The following ANKIB1 variants were observed in gnomAD, a reference collection of about 807,000 sequenced individuals.
ANKIB1 encodes ankyrin repeat and IBR domain-containing protein 1.
ANKIB1 carries 43 observed loss-of-function variants against 122.1 expected under a neutral mutation model. That is an observed-to-expected ratio of 0.35 (90% CI 0.28 to 0.45). The LOEUF is 0.45. Ranked by LOEUF, ANKIB1 falls within the 20% of genes least tolerant of loss-of-function variation. ANKIB1 has a pLI of 1.00. For synonymous variants in ANKIB1, 390 were observed against 442.0 expected, an observed-to-expected ratio of 0.88 and a Z score of 1.48; for missense variants, 992 against 1,329.5, an observed-to-expected ratio of 0.75 and a Z score of 3.95.
At chr7:92,298,765 A>G (rs1011562157) in intron 2 of ANKIB1, among the ~76,000 whole-genome samples, 2 of 118,518 alleles carry the variant, frequency 1.7e-5, no homozygotes, top group African/African-American at 7.1e-5. Flanking sequence ...AGGCACTTGC[A>G]GTTAAAAAAA....
chr7:92,274,869 G>T (rs1382149528), intron 1 of ANKIB1, among the ~76,000 whole-genome samples: 1 of 152,176 alleles, frequency 6.6e-6, no homozygotes. Context: ...GAAGACTGCA[G>T]TGAGCTGTGA....
chr7:92,314,778 A>G (rs996024309), intron 3 of ANKIB1, among the ~76,000 whole-genome samples: 3 of 152,218 alleles, frequency 2.0e-5, no homozygotes, highest in Non-Finnish European at 2.9e-5. Flanking sequence ...TCAGACCAAT[A>G]AAATCTAAAT....
intron 1 of ANKIB1, among the ~76,000 whole-genome samples, chr7:92,249,141 G>A (rs1801266895): frequency 6.6e-6 from 1 of 152,100 alleles, no homozygotes; most frequent in South Asian, 2.1e-4. Flanking sequence ...GCCTGCCTTG[G>A]CCTCCCAAAA....
In ANKIB1 at chr7:92,387,789, G is replaced by A; in HGVS notation, c.1753-9G>A. On this transcript the variant is annotated splice_polypyrimidine_tract_variant and intron_variant, in intron 12 of 19. Transcript: ENST00000265742. ...TTATAAAAGTCATTTGTGGACTTTT[G>A]TTTTCTAGGCTGAGAAAAAACACAA... is the stretch of plus-strand genomic sequence containing the variant. The A allele has an allele frequency of 6.3e-7, 1 of 1,598,190 alleles. No homozygotes were observed. The highest frequency in any genetic ancestry group is 8.5e-7 in the Non-Finnish European group (1 of 1,175,442).
At chr7:92,362,031 G>C (rs1014469648) in intron 9 of ANKIB1, among the ~76,000 whole-genome samples, 154 bp from the exon 10 acceptor site, 1 of 151,680 alleles carries the variant, frequency 6.6e-6, no homozygotes, top group Non-Finnish European at 1.5e-5. Context: ...GGCTGGTCTC[G>C]AACTCCTGAC....
At chr7:92,250,826 T>G (rs541506239) in intron 1 of ANKIB1, among the ~76,000 whole-genome samples, 2 of 152,348 alleles carry the variant, frequency 1.3e-5, no homozygotes, top group South Asian at 4.1e-4. Context: ...AAAACATGGT[T>G]TTTCACTGTC....
intron 2 of ANKIB1, among the ~76,000 whole-genome samples, chr7:92,299,814 T>G (rs986558446): frequency 1.4e-5 from 2 of 142,168 alleles, no homozygotes; most frequent in Non-Finnish European, 3.0e-5. Flanking sequence ...AGTAATTTTG[T>G]TTTTTTTTCT....
intron 10 of ANKIB1, 22 bp downstream of exon 10, chr7:92,362,295 T>G (rs1203769197): frequency 1.9e-6 from 3 of 1,555,854 alleles, no homozygotes; most frequent in Non-Finnish European, 1.7e-6. Flanking sequence ...TTTAGATAGC[T>G]TTGCTGCATA....
intron 3 of ANKIB1, among the ~76,000 whole-genome samples, chr7:92,314,258 A>G (rs1802748290): frequency 6.6e-6 from 1 of 151,858 alleles, no homozygotes; most frequent in African/African-American, 2.4e-5. Context: ...TGATCATGCT[A>G]CTGTACTCCA....
chr7:92,320,838 A>G (rs1802895654), intron 4 of ANKIB1, among the ~76,000 whole-genome samples: 1 of 152,160 alleles, frequency 6.6e-6, no homozygotes, highest in African/African-American at 2.4e-5. Context: ...AAATCATTTA[A>G]TGATTTTTCG....
At chr7:92,271,430 T>G (rs1254675706) in intron 1 of ANKIB1, among the ~76,000 whole-genome samples, 1 of 152,312 alleles carries the variant, frequency 6.6e-6, no homozygotes, top group African/African-American at 2.4e-5. Flanking sequence ...AAAAATTTTT[T>G]AGTTATTCTA....
rs192296727 is a variant in ANKIB1 at position 92,259,503 on chromosome 7, A to T, written c.-91+12984A>T. Among the ~76,000 whole-genome samples, 17 of 152,308 alleles carry T rather than the reference A, an allele frequency of 1.1e-4. No individual in the cohort carries two copies. The East Asian group carries it at 1.9e-3, about 17-fold the overall frequency. The stretch of plus-strand genomic sequence containing the variant: ...AGTCTAGATGGGATGGGCAGGATGA[A>T]AATCTCTGCATTTTAAATCTGGAAA... On this transcript the variant is annotated intron_variant, in intron 1 of 19. Transcript: ENST00000265742.
chr7:92,380,205 T>C (rs929594206), intron 11 of ANKIB1, among the ~76,000 whole-genome samples: 2 of 152,120 alleles, frequency 1.3e-5, no homozygotes, highest in African/African-American at 4.8e-5. Context: ...CTGCCATTGC[T>C]GAGTAGGTAA....
chr7:92,351,115 T>C, intron 8 of ANKIB1, 21 bp downstream of exon 8: 1 of 1,471,306 alleles, frequency 6.8e-7, no homozygotes, highest in Non-Finnish European at 9.0e-7. Flanking sequence ...CTGCCAATTA[T>C]CTGTCCAATT....
At chr7:92,282,306 A>T (rs1802025653) in intron 1 of ANKIB1, among the ~76,000 whole-genome samples, 1 of 152,010 alleles carries the variant, frequency 6.6e-6, no homozygotes, top group African/African-American at 2.4e-5. Flanking sequence ...GGCACGTGCC[A>T]CCATGCTTGG....
At chr7:92,384,858 A>G (rs918099636) in intron 11 of ANKIB1, among the ~76,000 whole-genome samples, 4 of 152,248 alleles carry the variant, frequency 2.6e-5, no homozygotes, top group Admixed American at 2.6e-4. Flanking sequence ...ACCAAAAGCA[A>G]TGGCAACAAA....
At chr7:92,313,706 A>G (rs1486212613) in intron 3 of ANKIB1, among the ~76,000 whole-genome samples, 1 of 152,176 alleles carries the variant, frequency 6.6e-6, no homozygotes, top group East Asian at 1.9e-4. Context: ...TCAGACCTGC[A>G]GCATCAGTTC....
At position 92,319,480 on chromosome 7, in the gene ANKIB1, G is replaced by A; in HGVS notation, c.637G>A (p.Glu213Lys). Residue 213 changes from glutamate to lysine, a missense_variant, in exon 4 of 20, where the codon GAA (glutamate) becomes AAA (lysine). Coordinates refer to ENST00000265742, the MANE Select transcript of ANKIB1 (RefSeq NM_019004.2). ...ACGGGATCCCGAGGCTGAAGAAATA[G>A]AAGCTGAATATGCTGCATTAGACAA... ...FSRDPEAEEI[E>K]AEYAALDKRE... is the part of the protein sequence containing the mutation. 6.2e-7 allele frequency: 1 copy of A among 1,612,498 alleles called. No homozygotes were observed. Among genetic ancestry groups the A allele is most frequent in the Non-Finnish European group, 8.5e-7 (1 of 1,179,446 alleles).
rs115227892 is a variant in ANKIB1, at chr7:92,375,527, A to G, written c.1617+3920A>G. Among the ~76,000 whole-genome samples, 188 of 152,280 alleles carry G rather than the reference A, an allele frequency of 1.2e-3. 2 individuals carry two copies. The highest frequency in any genetic ancestry group is 4.2e-3 in the African/African-American group (173 of 41,554). On this transcript the variant is annotated intron_variant, in intron 11 of 19. Coordinates refer to ENST00000265742, the MANE Select transcript of ANKIB1 (RefSeq NM_019004.2). ...ATCCGTAAGAAACAACTTCTCCCCA[A>G]TTCAAGTTTTATCATGAGATTATAG...
Sources: allele counts gnomAD v4.1 joint callset (sites outside exome capture counted in the v4.1 genomes callset), GRCh38; gene constraint gnomAD v4.1.1; transcripts MANE v1.5; gene names NCBI Gene and HGNC (gene_info 2026-07-23, HGNC 2026-07-21).